Variants in KCNMA1 observed in about 807,000 individuals in gnomAD.
The protein encoded by KCNMA1 is potassium calcium-activated channel subfamily M alpha 1.
A neutral mutation model predicts 140.0 loss-of-function variants in KCNMA1; 29 were observed. That is an observed-to-expected ratio of 0.21 (90% CI 0.15 to 0.28). The LOEUF (loss-of-function observed/expected upper bound fraction) is 0.28, where lower values mean the gene tolerates loss of function less well. Among genes scored for constraint, KCNMA1 ranks in the 10% least tolerant of loss-of-function variants. The pLI, the probability that KCNMA1 is intolerant of heterozygous loss-of-function variation, is 1.00. For synonymous variants in KCNMA1, 612 were observed against 611.9 expected, an observed-to-expected ratio of 1.00 and a Z score of 0.00; for missense variants, 880 against 1,602.2, an observed-to-expected ratio of 0.55 and a Z score of 7.70.
intron 1 of KCNMA1, among the ~76,000 whole-genome samples, chr10:77,457,419 C>T (rs1381284340): frequency 6.6e-6 from 1 of 152,080 alleles, no homozygotes; most frequent in Non-Finnish European, 1.5e-5. Flanking sequence ...TCCTGCCCTC[C>T]CCAGAGTCCT....
intron 5 of KCNMA1, among the ~76,000 whole-genome samples, chr10:77,125,682 T>A (rs1227469323): frequency 6.6e-6 from 1 of 152,234 alleles, no homozygotes; most frequent in Non-Finnish European, 1.5e-5. Flanking sequence ...CTCTTTAGCA[T>A]CAGCTCTATG....
intron 12 of KCNMA1, among the ~76,000 whole-genome samples, chr10:77,083,327 A>G (rs181829956): frequency 9.9e-5 from 15 of 152,254 alleles, no homozygotes; most frequent in Admixed American, 7.2e-4. Context: ...TTGTCACACA[A>G]TGTGACTACT....
intron 10 of KCNMA1, among the ~76,000 whole-genome samples, chr10:77,087,967 A>G (rs2096731176): frequency 6.6e-6 from 1 of 151,648 alleles, no homozygotes; most frequent in African/African-American, 2.4e-5. Context: ...AATAATATTT[A>G]TTTATTTTAT....
chr10:77,506,464 T>C (rs2154546671), intron 1 of KCNMA1, among the ~76,000 whole-genome samples: 1 of 151,860 alleles, frequency 6.6e-6, no homozygotes, highest in Admixed American at 6.6e-5. Flanking sequence ...TGTTTTTAAA[T>C]ACCAAATCTG....
chr10:77,066,289 G>T (rs1275089905), intron 14 of KCNMA1, among the ~76,000 whole-genome samples: 1 of 152,126 alleles, frequency 6.6e-6, no homozygotes, highest in African/African-American at 2.4e-5. Context: ...GGTGAGAAGT[G>T]CTCCGATTCT....
intron 23 of KCNMA1, among the ~76,000 whole-genome samples, chr10:76,925,092 C>T (rs565461659): frequency 5.0e-4 from 76 of 152,166 alleles, no homozygotes; most frequent in Non-Finnish European, 8.8e-4. Context: ...ATGTTTTCCT[C>T]TGCCTTTTTT....
intron 25 of KCNMA1, among the ~76,000 whole-genome samples, chr10:76,894,793 C>G (rs77482242): frequency 0.043 from 6,562 of 152,068 alleles, 454 homozygotes; most frequent in African/African-American, 0.15. Context: ...ACTAGAATAG[C>G]TGTAATAAAA....
chr10:77,137,773 C>T (rs1157163887), intron 5 of KCNMA1, among the ~76,000 whole-genome samples: 1 of 152,112 alleles, frequency 6.6e-6, no homozygotes, highest in Non-Finnish European at 1.5e-5. Context: ...GGTTGTTTTG[C>T]TCCCTACTTT....
At chr10:76,897,764 G>T (rs754549802) in intron 25 of KCNMA1, among the ~76,000 whole-genome samples, 2 of 151,780 alleles carry the variant, frequency 1.3e-5, no homozygotes, top group African/African-American at 4.8e-5. Context: ...TTAAAAAAAT[G>T]ACAAAACTAG....
chr10:77,115,927 C>T (rs1213935800), intron 6 of KCNMA1, among the ~76,000 whole-genome samples: 1 of 152,162 alleles, frequency 6.6e-6, no homozygotes, highest in Non-Finnish European at 1.5e-5. Context: ...GCATTCTCCA[C>T]AGTCTGAAAT....
chr10:77,188,886 C>A (rs567289156), intron 3 of KCNMA1, among the ~76,000 whole-genome samples: 2 of 152,074 alleles, frequency 1.3e-5, no homozygotes, highest in Non-Finnish European at 2.9e-5. Flanking sequence ...AGCAGTTGTT[C>A]CTCTGGGCAT....
intron 1 of KCNMA1, among the ~76,000 whole-genome samples, chr10:77,469,498 C>A (rs924734681): frequency 1.3e-4 from 20 of 152,096 alleles, no homozygotes; most frequent in Admixed American, 1.3e-3. Context: ...CTCCTTGGGG[C>A]CTAGAGCAAG....
downstream of KCNMA1, chr10:76,884,022 G>C: frequency 1.0e-6 from 1 of 979,268 alleles, no homozygotes; most frequent in Non-Finnish European, 1.2e-6. Context: ...CCAAAGTCCA[G>C]GAAAACCTCA....
At chr10:77,634,567 G>C (rs2154571639) in intron 1 of KCNMA1, 1 of 623,050 alleles carries the variant, frequency 1.6e-6, no homozygotes, top group East Asian at 1.5e-4. Context: ...GCTTTCCTCT[G>C]GACTCCAGCT....
chr10:77,123,256 A>G (rs918292348), intron 5 of KCNMA1, among the ~76,000 whole-genome samples: 1 of 151,590 alleles, frequency 6.6e-6, no homozygotes, highest in Non-Finnish European at 1.5e-5. Flanking sequence ...ATTTTTAGAC[A>G]AACAGAATTT....
At chr10:77,381,569 T>A (rs1035393688) in intron 2 of KCNMA1, among the ~76,000 whole-genome samples, 2 of 152,100 alleles carry the variant, frequency 1.3e-5, no homozygotes, top group African/African-American at 4.8e-5. Context: ...CTCTACCCAA[T>A]AGATAGCAAT....
intron 19 of KCNMA1, chr10:76,977,536 C>T (rs774800658): frequency 2.8e-6 from 2 of 702,736 alleles, no homozygotes; most frequent in South Asian, 3.0e-5. Flanking sequence ...GATATTAACT[C>T]GCTGACCTTT....
chr10:77,120,668 G>T (rs1377743898), intron 6 of KCNMA1, among the ~76,000 whole-genome samples: 1 of 152,072 alleles, frequency 6.6e-6, no homozygotes, highest in Non-Finnish European at 1.5e-5. Flanking sequence ...CTTTCCCCTT[G>T]ACACCGTGGC....
At position 77,637,478 on chromosome 10, in the gene KCNMA1, AGAG is replaced by A. The variant is rs778736171; in HGVS notation, c.162_164del (p.Ser60del). ...GCTCGTGGACCGAGGACGAGGAGGAAGAGGAGGAGGAAGAAGAAGAAGAGGAAG... is the reference window on the plus strand; with the variant it reads ...GCTCGTGGACCGAGGACGAGGAGGAAGAGGAGGAAGAAGAAGAAGAGGAAG... On this transcript the variant is annotated inframe_deletion, in exon 1 of 28. Transcript: ENST00000286628. 23 of 1,601,900 alleles carry A rather than the reference AGAG, an allele frequency of 1.4e-5. No homozygotes were observed. Among genetic ancestry groups the A allele is most frequent in the African/African-American group, 5.4e-5 (4 of 74,666 alleles).
Sources: gnomAD v4.1 joint callset for allele counts (sites outside exome capture counted in the v4.1 genomes callset) on GRCh38, gnomAD v4.1.1 for gene constraint, MANE v1.5 for transcripts, NCBI Gene and HGNC (gene_info 2026-07-23, HGNC 2026-07-21) for gene names.